Variants in PRKG1 observed in about 807,000 individuals in gnomAD.
PRKG1 encodes the protein cGMP-dependent protein kinase 1.
A neutral mutation model predicts 88.1 loss-of-function variants in PRKG1; 35 were observed. The ratio of observed to expected loss-of-function variants is 0.40; its 90% confidence interval spans 0.30 to 0.53. The LOEUF (loss-of-function observed/expected upper bound fraction) is 0.53, where lower values mean the gene tolerates loss of function less well. PRKG1 is among the 20% of genes least tolerant of loss of function. The probability of loss-of-function intolerance (pLI) is 0.59; values close to 1 mark genes in which losing one functional copy is unlikely to be tolerated. For missense variants in PRKG1, 540 were observed against 839.8 expected, an observed-to-expected ratio of 0.64 and a Z score of 4.41; for synonymous variants, 303 against 292.5, an observed-to-expected ratio of 1.04 and a Z score of -0.37.
At chr10:51,480,953 T>C (rs1840338100) in intron 3 of PRKG1, among the ~76,000 whole-genome samples, 1 of 151,858 alleles carries the variant, frequency 6.6e-6, no homozygotes, top group Non-Finnish European at 1.5e-5. Context: ...GTCTAGGAAA[T>C]ACCAAAGCAC....
At chr10:52,177,730 T>C (rs1838902528) in intron 9 of PRKG1, among the ~76,000 whole-genome samples, 2 of 152,082 alleles carry the variant, frequency 1.3e-5, no homozygotes, top group African/African-American at 4.8e-5. Flanking sequence ...TGATAGATTT[T>C]ATGTGTCCAG....
intron 5 of PRKG1, among the ~76,000 whole-genome samples, chr10:52,028,742 G>A (rs1019791775): frequency 3.3e-5 from 5 of 152,108 alleles, no homozygotes; most frequent in Non-Finnish European, 5.9e-5. Context: ...TACAGACACC[G>A]TTTTCTTTCA....
intron 9 of PRKG1, among the ~76,000 whole-genome samples, chr10:52,181,689 T>A (rs1488178082): frequency 1.1e-5 from 1 of 89,874 alleles, no homozygotes; most frequent in East Asian, 3.4e-4. Flanking sequence ...CGGTGTTTGG[T>A]TTTTTGTTCT....
rs774154367 is a variant in PRKG1, at chr10:51,698,225, G to A, written c.593-106360G>A. On this transcript the variant is annotated intron_variant, in intron 3 of 17. Transcript: ENST00000373980. ...TGCTTCCATCCCTCTGGTTTCCATCGCACAGGTCTCCATTCCTCTCCTCTC... is the reference window on the plus strand; with the variant it reads ...TGCTTCCATCCCTCTGGTTTCCATCACACAGGTCTCCATTCCTCTCCTCTC... 7 of 1,613,988 alleles carry A rather than the reference G, an allele frequency of 4.3e-6. No homozygotes were observed. The Admixed American group carries it at 8.3e-5, about 19-fold the overall frequency.
At chr10:51,640,805 G>A (rs563472819) in intron 3 of PRKG1, among the ~76,000 whole-genome samples, 1 of 152,076 alleles carries the variant, frequency 6.6e-6, no homozygotes, top group East Asian at 1.9e-4. Context: ...ATTGCTCTTA[G>A]CAAGTAAGCA....
At chr10:51,334,620 C>T (rs539670632) in intron 2 of PRKG1, among the ~76,000 whole-genome samples, 18 of 152,264 alleles carry the variant, frequency 1.2e-4, no homozygotes, top group African/African-American at 3.6e-4. Flanking sequence ...CTTTTGCTTA[C>T]CCCAACTCCA....
chr10:51,753,092 C>T (rs1837767738), intron 3 of PRKG1, among the ~76,000 whole-genome samples: 1 of 152,050 alleles, frequency 6.6e-6, no homozygotes, highest in South Asian at 2.1e-4. Flanking sequence ...TGGCAGTGTA[C>T]AATTCTTAAT....
intron 9 of PRKG1, among the ~76,000 whole-genome samples, chr10:52,218,242 G>T (rs1183114302): frequency 6.9e-6 from 1 of 144,736 alleles, no homozygotes; most frequent in Non-Finnish European, 1.5e-5. Context: ...ATAGGTTACA[G>T]TTTTTTTTTT....
chr10:51,074,501 G>A lies in PRKG1; in HGVS notation c.-90G>A. The A allele has an allele frequency of 6.7e-7, 1 of 1,496,782 alleles. No individual in the cohort carries two copies. The allele number at this position is 1,496,782 out of a possible 1,614,324, so 92.7% of individuals were successfully genotyped here. ...GAAGCTTTGGCACTCGGGAGGCAGC[G>A]GCGACTTTGGGGAAAGTTGATCGGA... On this transcript the variant is annotated 5_prime_UTR_variant, in exon 1 of 18. Coordinates refer to ENST00000373980, the MANE Select transcript of PRKG1 (RefSeq NM_006258.4).
chr10:51,699,551 A>G, intron 3 of PRKG1: 2 of 1,606,838 alleles, frequency 1.2e-6, no homozygotes, highest in Non-Finnish European at 1.7e-6. Context: ...ACTCGACATG[A>G]TTCCGGTTGT....
intron 2 of PRKG1, among the ~76,000 whole-genome samples, chr10:51,338,477 C>G (rs952359951): frequency 1.3e-5 from 2 of 151,934 alleles, no homozygotes; most frequent in Non-Finnish European, 2.9e-5. Flanking sequence ...CTGAAACAGT[C>G]TGGTAGGAGG....
chr10:52,122,595 A>C (rs934163004), intron 7 of PRKG1, among the ~76,000 whole-genome samples: 2 of 152,216 alleles, frequency 1.3e-5, no homozygotes, highest in Admixed American at 6.5e-5. Context: ...AAATAATAAC[A>C]AAGAACAATA....
At chr10:51,394,218 T>C (rs1471093600) in intron 2 of PRKG1, among the ~76,000 whole-genome samples, 1 of 152,222 alleles carries the variant, frequency 6.6e-6, no homozygotes, top group Non-Finnish European at 1.5e-5. Flanking sequence ...GATTAAAGAC[T>C]GTCATATAGG....
chr10:52,292,575 A>G (rs1842276624), intron 17 of PRKG1, among the ~76,000 whole-genome samples: 2 of 151,712 alleles, frequency 1.3e-5, no homozygotes, highest in East Asian at 1.9e-4. Context: ...ATAGTTGTAG[A>G]TATGCGGCGT....
chr10:51,653,155 T>C (rs1397495310), intron 3 of PRKG1, among the ~76,000 whole-genome samples: 2 of 152,248 alleles, frequency 1.3e-5, no homozygotes, highest in Non-Finnish European at 2.9e-5. Context: ...CTTTTGTGAA[T>C]AGTGCTGTAA....
chr10:51,840,271 A>G (rs78778652), intron 4 of PRKG1, among the ~76,000 whole-genome samples: 2 of 149,672 alleles, frequency 1.3e-5, no homozygotes, highest in Admixed American at 1.3e-4. Context: ...AAGCTATTTG[A>G]TTTTTTTTTT....
In PRKG1 at chr10:51,234,230, T is replaced by G. The variant is rs111728809; in HGVS notation, c.478+80900T>G. On this transcript the variant is annotated intron_variant, in intron 2 of 17. Transcript: ENST00000373980. ...GGTAGTAAAACCCACTTCCTCACTA[T>G]GGAACCCACCCGTCTTTCTGTGTCA... Among the ~76,000 whole-genome samples, 1,193 of 152,264 alleles carry G rather than the reference T, an allele frequency of 7.8e-3. 14 individuals are homozygous for G. The highest frequency in any genetic ancestry group is 0.027 in the African/African-American group (1,124 of 41,562).
At chr10:51,619,301 T>C (rs183948388) in intron 3 of PRKG1, among the ~76,000 whole-genome samples, 1 of 152,260 alleles carries the variant, frequency 6.6e-6, no homozygotes, top group East Asian at 1.9e-4. Flanking sequence ...AGAAAGCAGG[T>C]ACATTTTAAT....
intron 2 of PRKG1, among the ~76,000 whole-genome samples, chr10:51,279,271 G>T (rs1289537880): frequency 6.6e-6 from 1 of 152,184 alleles, no homozygotes; most frequent in African/African-American, 2.4e-5. Context: ...GGTTTTGAGT[G>T]AGTTTCTTAA....
Sources: allele counts gnomAD v4.1 joint callset (sites outside exome capture counted in the v4.1 genomes callset), GRCh38; gene constraint gnomAD v4.1.1; transcripts MANE v1.5; gene names NCBI Gene and HGNC (gene_info 2026-07-23, HGNC 2026-07-21).